SLC1A3: variants seen among roughly 807,000 people sequenced by gnomAD.
SLC1A3 encodes excitatory amino acid transporter 1.
In SLC1A3, 21 loss-of-function variants were observed where a neutral mutation model predicts 48.1. The ratio of observed to expected loss-of-function variants is 0.44; its 90% CI spans 0.31 to 0.63. The LOEUF (loss-of-function observed/expected upper bound fraction) is 0.63, where lower values mean the gene tolerates loss of function less well. Among genes scored for constraint, SLC1A3 ranks in the 20% least tolerant of loss-of-function variants. The pLI is 0.08. For missense variants in SLC1A3, 546 were observed against 689.0 expected (o/e 0.79, Z 2.32); for synonymous variants, 239 against 251.4 (o/e 0.95, Z 0.47).
chr5:36,668,451 T>C (rs1489101399), intron 3 of SLC1A3: 2 of 152,266 alleles, frequency 1.3e-5, no homozygotes, highest in Non-Finnish European at 2.9e-5. Context: ...TCATTTGTTT[T>C]ACAAGCTAGG....
intron 3 of SLC1A3, among the ~76,000 whole-genome samples, chr5:36,649,866 T>A (rs1334070597): frequency 6.6e-6 from 1 of 152,244 alleles, no homozygotes; most frequent in Non-Finnish European, 1.5e-5. Flanking sequence ...GATATCCCAA[T>A]ATTCATTTCC....
chr5:36,687,807 T>C lies in SLC1A3; in HGVS notation c.*1538T>C, dbSNP rs748673454. 6.6e-6 allele frequency: 1 copy of C among 152,604 alleles called. No individual in the cohort carries two copies. The highest frequency in any genetic ancestry group is 1.5e-5 in the Non-Finnish European group (1 of 68,040). The allele number at this position is 152,604 out of a possible 1,614,324, so 9.5% of individuals were successfully genotyped here. A position where few individuals can be genotyped will look rare whatever the true frequency, so the allele number is the denominator to read the frequency against. ...GGGCATTAGTTTCAGGCAAGGCAGC[T>C]CCCAGGTTTAGAGATTAATTTTTAC... On this transcript the variant is annotated 3_prime_UTR_variant, in exon 10 of 10. Coordinates refer to ENST00000265113, the MANE Select transcript of SLC1A3 (RefSeq NM_004172.5).
chr5:36,635,708 G>C (rs578216159), intron 3 of SLC1A3, among the ~76,000 whole-genome samples: 4 of 152,230 alleles, frequency 2.6e-5, no homozygotes, highest in South Asian at 2.1e-4. Flanking sequence ...TGGATTCCAC[G>C]GGGCAGCAAA....
At chr5:36,638,133 T>C (rs764595922) in intron 3 of SLC1A3, among the ~76,000 whole-genome samples, 1 of 152,172 alleles carries the variant, frequency 6.6e-6, no homozygotes, top group Non-Finnish European at 1.5e-5. Context: ...CGCAGAGGTG[T>C]AGATACGTTT....
At chr5:36,596,595 T>C (rs1738741239) in exon 1 of SLC1A3, among the ~76,000 whole-genome samples, 1 of 152,170 alleles carries the variant, frequency 6.6e-6, no homozygotes, top group Non-Finnish European at 1.5e-5. Flanking sequence ...TCTGAATCCT[T>C]TGGGATTTAA....
chr5:36,637,646 T>C (rs560994872), intron 3 of SLC1A3, among the ~76,000 whole-genome samples: 1 of 152,360 alleles, frequency 6.6e-6, no homozygotes, highest in South Asian at 2.1e-4. Flanking sequence ...GCAGGTTTCT[T>C]CTGCTGATAT....
At chr5:36,644,011 CAAAAAATAAATAAATAAATA>C (rs1200844329) in intron 3 of SLC1A3, among the ~76,000 whole-genome samples, 3 of 139,184 alleles carry the variant, frequency 2.2e-5, no homozygotes, top group Non-Finnish European at 3.1e-5. Context: ...GACTCCGTCT[CAAAAAATAAATAAATAAATA>C]AATAAATAAA....
intron 3 of SLC1A3, among the ~76,000 whole-genome samples, chr5:36,657,689 A>G (rs1741337153): frequency 6.6e-6 from 1 of 152,250 alleles, no homozygotes; most frequent in South Asian, 2.1e-4. Flanking sequence ...GAAGTTGAGC[A>G]AGGAATAAGT....
intron 2 of SLC1A3, chr5:36,608,977 T>C: frequency 9.9e-7 from 1 of 1,010,768 alleles, no homozygotes; most frequent in Non-Finnish European, 1.2e-6. Context: ...TTAAAACTAA[T>C]TTATACAATT....
chr5:36,621,751 T>C (rs1291672149), intron 2 of SLC1A3, among the ~76,000 whole-genome samples: 2 of 152,190 alleles, frequency 1.3e-5, no homozygotes, highest in East Asian at 3.8e-4. Context: ...GCATCTTCTC[T>C]ATGAAGATAG....
intron 2 of SLC1A3, among the ~76,000 whole-genome samples, chr5:36,614,851 G>T (rs1051400035): frequency 6.6e-6 from 1 of 152,124 alleles, no homozygotes; most frequent in Non-Finnish European, 1.5e-5. Context: ...GGGAAAGGTT[G>T]TTTTGAAGCA....
intron 1 of SLC1A3, among the ~76,000 whole-genome samples, chr5:36,596,801 G>C (rs1462221370): frequency 6.6e-6 from 1 of 152,160 alleles, no homozygotes; most frequent in Non-Finnish European, 1.5e-5. Flanking sequence ...TTGTCTCTCT[G>C]CCTTGTGAAT....
chr5:36,622,643 T>C (rs1363259673), intron 2 of SLC1A3, among the ~76,000 whole-genome samples: 2 of 152,194 alleles, frequency 1.3e-5, no homozygotes, highest in Non-Finnish European at 2.9e-5. Flanking sequence ...ACCTATGATA[T>C]CTTCTTTCTG....
At position 36,679,637 on chromosome 5, in the gene SLC1A3, G is replaced by T; in HGVS notation, c.871G>T (p.Val291Leu). Residue 291 changes from valine (V) to leucine (L), a missense_variant, in exon 7 of 10, where the codon GTG becomes TTG. This residue lies in a region of SLC1A3 where 348 missense variants were observed against 392.0 expected (regional missense o/e 0.89). Coordinates refer to ENST00000265113, the MANE Select transcript of SLC1A3 (RefSeq NM_004172.5). Reference sequence around the variant, plus strand: ...GTTGCTTCTCCCCAGGTATGCCCCCGTGGGTATTCTCTTCCTGATTGCTGG... The same window carrying T: ...GTTGCTTCTCCCCAGGTATGCCCCCTTGGGTATTCTCTTCCTGATTGCTGG... ...LVAVIMWYAPVGILFLIAGKI... is the reference protein window; with the variant it reads ...LVAVIMWYAPLGILFLIAGKI... 6.2e-7 allele frequency: 1 copy of T among 1,613,070 alleles called. No individual in the cohort carries two copies. Among genetic ancestry groups the T allele is most frequent in the Non-Finnish European group, 8.5e-7 (1 of 1,179,092 alleles).
rs151122626 is a variant in SLC1A3, at chr5:36,667,055, C to T, written c.320-3974C>T. On this transcript the variant is annotated intron_variant, in intron 3 of 9. Coordinates refer to ENST00000265113, the MANE Select transcript of SLC1A3 (RefSeq NM_004172.5). ...TTCTGATGCTTAACTCATTGTTGAA[C>T]AGAAATAGGTTTGGAGAAATGATTG... Among the ~76,000 whole-genome samples, 532 of 152,248 alleles carry T rather than the reference C, an allele frequency of 3.5e-3. 1 individual carries two copies. The highest frequency in any genetic ancestry group is 6.0e-3 in the South Asian group (29 of 4,826).
intron 6 of SLC1A3, 135 bp downstream of exon 6, chr5:36,677,319 C>G (rs745961279): frequency 1.4e-6 from 1 of 720,806 alleles, no homozygotes; most frequent in Non-Finnish European, 2.3e-6. Flanking sequence ...CCAGGAAAAT[C>G]AATGAATCTC....
rs1740209037 is a variant in SLC1A3, at chr5:36,633,336, T to C, written c.319+3749T>C. On this transcript the variant is annotated intron_variant, in intron 3 of 9. Coordinates refer to ENST00000265113, the MANE Select transcript of SLC1A3 (RefSeq NM_004172.5). ...TTCTGGAAGTGGGGAGCACAACTTT[T>C]GACATGCAATCTCTGTGGTGTTGGG... 2.6e-5 allele frequency among the ~76,000 whole-genome samples: 4 copies of C among 152,188 alleles called. No individual in the cohort carries two copies. The South Asian group carries it at 8.3e-4, about 31-fold the overall frequency.
Position 36,687,754 on chromosome 5 carries a change from C to T in SLC1A3, c.*1485C>T, listed in dbSNP as rs2269272. The T allele has an allele frequency of 0.18, 27,886 of 152,438 alleles. 3,036 individuals are homozygous for T. The highest frequency in any genetic ancestry group is 0.29 in the Admixed American group (4,500 of 15,264). 9.4% of individuals were successfully genotyped at this position (152,438 alleles called of 1,614,324 possible). A position where few individuals can be genotyped will look rare whatever the true frequency, so the allele number is the denominator to read the frequency against. On this transcript the variant is annotated 3_prime_UTR_variant, in exon 10 of 10. Coordinates refer to ENST00000265113, the MANE Select transcript of SLC1A3 (RefSeq NM_004172.5). ...AGATGAATCAGTATGAAGACACTGT[C>T]AATGAGGTTATGAGAAAAAAACAGC...
chr5:36,641,415 T>C (rs1191131559), intron 3 of SLC1A3, among the ~76,000 whole-genome samples: 1 of 152,214 alleles, frequency 6.6e-6, no homozygotes, highest in Non-Finnish European at 1.5e-5. Context: ...CAGTGTATAG[T>C]TCTCCAGAGT....
Sources: allele counts gnomAD v4.1 joint callset (sites outside exome capture counted in the v4.1 genomes callset), GRCh38; gene constraint gnomAD v4.1.1; regional missense constraint gnomAD v4.1.1; transcripts MANE v1.5; gene names NCBI Gene and HGNC (gene_info 2026-07-23, HGNC 2026-07-21).